Variants in TBX15 observed in about 807,000 individuals in gnomAD.
The protein encoded by TBX15 is T-box transcription factor TBX15.
A neutral mutation model predicts 53.9 loss-of-function variants in TBX15; 18 were observed. The observed-to-expected ratio is 0.33, with a 90% CI of 0.23 to 0.49. The LOEUF is 0.49. TBX15 is among the 20% of genes least tolerant of loss of function. The pLI, the probability that TBX15 is intolerant of heterozygous loss-of-function variation, is 0.98. For synonymous variants in TBX15, 295 were observed against 278.0 expected (o/e 1.06, Z -0.61); for missense variants, 692 against 749.5 (o/e 0.92, Z 0.90).
At chr1:118,947,658 G>C (rs1324501209) in intron 1 of TBX15, among the ~76,000 whole-genome samples, 1 of 152,148 alleles carries the variant, frequency 6.6e-6, no homozygotes, top group South Asian at 2.1e-4. Context: ...TAACTTATCA[G>C]CATTACATTT....
chr1:118,921,143 A>T (rs568343242), intron 5 of TBX15, among the ~76,000 whole-genome samples: 191 of 152,144 alleles, frequency 1.3e-3, no homozygotes, highest in Non-Finnish European at 2.1e-3. Flanking sequence ...CACACCACTG[A>T]ACTCCAGCCT....
chr1:118,958,648 A>G (rs921351270), intron 1 of TBX15, among the ~76,000 whole-genome samples: 1 of 152,070 alleles, frequency 6.6e-6, no homozygotes, highest in South Asian at 2.1e-4. Context: ...TCCCACCACA[A>G]TATCCTTCCA....
intron 6 of TBX15, among the ~76,000 whole-genome samples, chr1:118,910,900 A>T: frequency 6.6e-6 from 1 of 152,214 alleles, no homozygotes; most frequent in East Asian, 1.9e-4. Context: ...TTGATAAAGA[A>T]GTCATGGGGA....
At position 118,987,866 on chromosome 1, in the gene TBX15, A is replaced by G. The variant is rs1657895728; in HGVS notation, c.-71T>C. On this transcript the variant is annotated 5_prime_UTR_variant, in exon 1 of 8. Coordinates refer to ENST00000369429, the MANE Select transcript of TBX15 (RefSeq NM_001330677.2). ...GAGCAGCCGGCGCCCTCAAGCTCTG[A>G]GCGCCCACCGGGCCCGGCCCGGGAG... The G allele has an allele frequency of 1.3e-6, 2 of 1,526,836 alleles. No homozygotes were observed. The highest frequency in any genetic ancestry group is 1.8e-6 in the Non-Finnish European group (2 of 1,134,482). 94.6% of individuals were successfully genotyped at this position (1,526,836 alleles called of 1,614,324 possible). A position where few individuals can be genotyped will look rare whatever the true frequency, so the allele number is the denominator to read the frequency against.
intron 5 of TBX15, among the ~76,000 whole-genome samples, chr1:118,915,677 T>C (rs1655196174): frequency 6.6e-6 from 1 of 152,204 alleles, no homozygotes; most frequent in Non-Finnish European, 1.5e-5. Flanking sequence ...TCTTTCTTCC[T>C]CCATAATCCA....
At chr1:118,893,430 A>G (rs1488723303) in intron 7 of TBX15, among the ~76,000 whole-genome samples, 1 of 143,014 alleles carries the variant, frequency 7.0e-6, no homozygotes, top group African/African-American at 2.7e-5. Flanking sequence ...AGAAAGATGG[A>G]AGGAAGGAAG....
At chr1:118,902,744 G>A (rs561020049) in intron 6 of TBX15, among the ~76,000 whole-genome samples, 2 of 152,152 alleles carry the variant, frequency 1.3e-5, no homozygotes, top group African/African-American at 2.4e-5. Flanking sequence ...TCCCTTGCAG[G>A]GGTGAGTCAT....
chr1:118,894,660 G>T (rs1360246164), intron 7 of TBX15, among the ~76,000 whole-genome samples: 1 of 152,114 alleles, frequency 6.6e-6, no homozygotes, highest in African/African-American at 2.4e-5. Context: ...TAATGGTTGA[G>T]CATGGGGGTA....
chr1:118,938,656 G>C (rs1231736084), intron 1 of TBX15, among the ~76,000 whole-genome samples: 1 of 152,138 alleles, frequency 6.6e-6, no homozygotes, highest in African/African-American at 2.4e-5. Flanking sequence ...AGCCTTGCTA[G>C]CATTTGTTTT....
At chr1:118,977,560 A>G (rs1242456190) in intron 1 of TBX15, among the ~76,000 whole-genome samples, 1 of 152,214 alleles carries the variant, frequency 6.6e-6, no homozygotes, top group Non-Finnish European at 1.5e-5. Context: ...AAGTCTGCAC[A>G]GGGGCTGTGC....
intron 6 of TBX15, among the ~76,000 whole-genome samples, chr1:118,906,857 T>C (rs1654848061): frequency 6.6e-6 from 1 of 152,164 alleles, no homozygotes; most frequent in African/African-American, 2.4e-5. Context: ...ACTCCAAGAA[T>C]GAACTGAGAC....
rs1188263713 is a variant in TBX15 at position 118,884,426 on chromosome 1, A to G, written c.*306T>C. ...GCTGCCACACACTAGCATCTCCCTT[A>G]ACATTATGACGAAGTGATTATTCAG... On this transcript the variant is annotated 3_prime_UTR_variant, in exon 8 of 8. Coordinates refer to ENST00000369429, the MANE Select transcript of TBX15 (RefSeq NM_001330677.2). 1 of 428,770 alleles carries G rather than the reference A, an allele frequency of 2.3e-6. No individual in the cohort carries two copies. The highest frequency in any genetic ancestry group is 2.0e-5 in the African/African-American group (1 of 49,966). 26.6% of individuals were successfully genotyped at this position (428,770 alleles called of 1,614,324 possible). A position where few individuals can be genotyped will look rare whatever the true frequency, so the allele number is the denominator to read the frequency against.
rs548914865 is a variant in TBX15 at position 118,941,416 on chromosome 1, T to C, written c.206-9584A>G. On this transcript the variant is annotated intron_variant, in intron 1 of 7. Coordinates refer to ENST00000369429, the MANE Select transcript of TBX15 (RefSeq NM_001330677.2). ...CCTCTGGAGGTGGCAGTTTCAAAGA[T>C]GTAAGTAGGATAAACATTTGAGCAC... Among the ~76,000 whole-genome samples the C allele has an allele frequency of 7.9e-5, 12 of 152,272 alleles. No homozygotes were observed. The South Asian group carries it at 2.5e-3, about 32-fold the overall frequency.
At chr1:118,913,278 G>A (rs922103006) in intron 6 of TBX15, among the ~76,000 whole-genome samples, 11 of 151,848 alleles carry the variant, frequency 7.2e-5, no homozygotes, top group East Asian at 1.9e-4. Flanking sequence ...CAAAGCCTAC[G>A]CACTTATGAG....
chr1:118,972,118 C>T (rs1012247414), intron 1 of TBX15, among the ~76,000 whole-genome samples: 1 of 152,188 alleles, frequency 6.6e-6, no homozygotes, highest in Non-Finnish European at 1.5e-5. Flanking sequence ...ACCACAGAAA[C>T]ACCCTGGTGC....
intron 1 of TBX15, among the ~76,000 whole-genome samples, chr1:118,978,396 T>A (rs1657510094): frequency 6.6e-6 from 1 of 152,206 alleles, no homozygotes; most frequent in Non-Finnish European, 1.5e-5. Context: ...AAACCAAAGT[T>A]AGGATCACAG....
chr1:118,903,090 C>T (rs193124297), intron 6 of TBX15, among the ~76,000 whole-genome samples: 2,099 of 152,116 alleles, frequency 0.014, 61 homozygotes, highest in African/African-American at 0.048. Context: ...CTCATTTTTT[C>T]CCTGTTAGCT....
At chr1:118,989,434 G>A (rs1010881875), upstream of TBX15, 2 of 152,182 alleles carry the variant, frequency 1.3e-5, no homozygotes, top group African/African-American at 4.8e-5. Flanking sequence ...CAGCGAAGTC[G>A]GTCCTAGCCA....
intron 6 of TBX15, among the ~76,000 whole-genome samples, chr1:118,906,983 T>C (rs1433129856): frequency 6.6e-6 from 1 of 152,248 alleles, no homozygotes; most frequent in Non-Finnish European, 1.5e-5. Flanking sequence ...AGCCTGCCAC[T>C]GGCTCCTTTC....
Sources: allele counts gnomAD v4.1 joint callset (sites outside exome capture counted in the v4.1 genomes callset), GRCh38; gene constraint gnomAD v4.1.1; transcripts MANE v1.5; gene names NCBI Gene and HGNC (gene_info 2026-07-23, HGNC 2026-07-21).